Variants in FRYL observed in about 807,000 individuals in gnomAD.
The protein encoded by FRYL is FRY like transcription coactivator.
FRYL carries 150 observed loss-of-function variants against 351.2 expected under a neutral mutation model. The observed-to-expected ratio is 0.43, with a 90% CI of 0.37 to 0.49. The LOEUF (loss-of-function observed/expected upper bound fraction) is 0.49, where lower values mean the gene tolerates loss of function less well. Among genes scored for constraint, FRYL ranks in the 20% least tolerant of loss-of-function variants. The probability of loss-of-function intolerance (pLI) is 0.00; values close to 1 mark genes in which losing one functional copy is unlikely to be tolerated. For missense variants in FRYL, 3,036 were observed against 3,619.3 expected (o/e 0.84, Z 4.13); for synonymous variants, 1,153 against 1,257.1 (o/e 0.92, Z 1.75).
At chr4:48,502,955 G>A in intron 60 of FRYL, 110 bp from the exon 61 acceptor site, 1 of 785,610 alleles carries the variant, frequency 1.3e-6, no homozygotes, top group East Asian at 2.7e-5. Context: ...GTAAACTGAA[G>A]AACATATATT....
intron 3 of FRYL, among the ~76,000 whole-genome samples, chr4:48,675,057 T>TC (rs1763356310): frequency 2.0e-5 from 3 of 152,216 alleles, no homozygotes; most frequent in African/African-American, 7.2e-5. Flanking sequence ...TTTTCTTTTT[T>TC]GTTTTTTTGA....
chr4:48,562,248 A>G (rs777397438), intron 32 of FRYL, among the ~76,000 whole-genome samples: 1 of 152,050 alleles, frequency 6.6e-6, no homozygotes, highest in African/African-American at 2.4e-5. Flanking sequence ...TCGACATTAC[A>G]CTATTTAAAG....
At chr4:48,605,007 A>T (rs766079178) in intron 11 of FRYL, among the ~76,000 whole-genome samples, 9 of 152,200 alleles carry the variant, frequency 5.9e-5, no homozygotes, top group Non-Finnish European at 1.3e-4. Flanking sequence ...CAGGAAAAGA[A>T]ATCAAAGTGC....
At position 48,610,733 on chromosome 4, in the gene FRYL, CATGTATTATATAT is replaced by C. The variant is rs1261790058; in HGVS notation, c.412-923_412-911del. 1.4e-3 allele frequency among the ~76,000 whole-genome samples: 204 copies of C among 142,160 alleles called. 1 individual carries two copies. The highest frequency in any genetic ancestry group is 4.7e-3 in the African/African-American group (183 of 38,730). The allele number at this position is 142,160 out of a possible 152,430, so 93.3% of individuals were successfully genotyped here. The stretch of plus-strand genomic sequence containing the variant: ...ATATATTATATACATATATTATATA[CATGTATTATATAT>C]TGTATATATACATATATTATATATA... On this transcript the variant is annotated intron_variant, in intron 7 of 63. Coordinates refer to ENST00000358350, the MANE Select transcript of FRYL (RefSeq NM_015030.2).
chr4:48,561,209 G>A (rs1002109191), intron 33 of FRYL, among the ~76,000 whole-genome samples: 3 of 152,094 alleles, frequency 2.0e-5, no homozygotes, highest in African/African-American at 4.8e-5. Context: ...CGTCCCTCTT[G>A]TATTTTTTTC....
At chr4:48,776,731 G>C (rs898074845) in intron 1 of FRYL, among the ~76,000 whole-genome samples, 5 of 152,144 alleles carry the variant, frequency 3.3e-5, no homozygotes, top group Non-Finnish European at 5.9e-5. Context: ...AACAATAGTT[G>C]AAATTCAGAG....
intron 3 of FRYL, among the ~76,000 whole-genome samples, chr4:48,641,320 A>G (rs1231095669): frequency 1.3e-5 from 2 of 152,290 alleles, no homozygotes; most frequent in East Asian, 3.9e-4. Context: ...CCTCCATGTT[A>G]GTGAAAAGCA....
chr4:48,711,112 G>A (rs146961324), intron 1 of FRYL, among the ~76,000 whole-genome samples: 23 of 152,280 alleles, frequency 1.5e-4, no homozygotes, highest in Non-Finnish European at 2.6e-4. Flanking sequence ...GAACAGCTCC[G>A]GTCTACAGCT....
chr4:48,714,456 C>T (rs1451183408), intron 1 of FRYL, among the ~76,000 whole-genome samples: 1 of 147,460 alleles, frequency 6.8e-6, no homozygotes, highest in Admixed American at 6.8e-5. Context: ...ACCGATCCCA[C>T]AGAAATACAA....
chr4:48,686,859 C>T (rs923039967), intron 2 of FRYL, among the ~76,000 whole-genome samples: 1 of 152,198 alleles, frequency 6.6e-6, no homozygotes, highest in African/African-American at 2.4e-5. Context: ...AATATTTGTC[C>T]AGAGTTTGCA....
chr4:48,581,623 A>T lies in FRYL; in HGVS notation c.1987-18T>A. On this transcript the variant is annotated intron_variant, in intron 20 of 63. Transcript: ENST00000358350. ...ACACCATGCTTGAAAAACAGAAGTT[A>T]AAAACAAAATATAAAAATATATGCA... The T allele has an allele frequency of 6.4e-7, 1 of 1,570,320 alleles. No individual in the cohort carries two copies. Among genetic ancestry groups the T allele is most frequent in the Non-Finnish European group, 8.6e-7 (1 of 1,162,208 alleles).
chr4:48,656,317 C>CATAATATATACTAAATATATTAT (rs1448536720), intron 3 of FRYL, among the ~76,000 whole-genome samples: 24,305 of 53,680 alleles, frequency 0.45, 9,676 homozygotes, highest in Middle Eastern at 0.72. Context: ...TTATATATTA[C>CATAATATATACTAAATATATTAT]ATAATATATA....
chr4:48,702,842 C>T (rs1284968735), intron 2 of FRYL, among the ~76,000 whole-genome samples: 1 of 151,486 alleles, frequency 6.6e-6, no homozygotes, highest in Non-Finnish European at 1.5e-5. Flanking sequence ...GAATATTTCT[C>T]AACATAAACT....
chr4:48,575,359 A>G (rs1332400650), intron 24 of FRYL, 118 bp from the exon 25 acceptor site: 5 of 1,052,408 alleles, frequency 4.8e-6, no homozygotes, highest in Non-Finnish European at 6.9e-6. Context: ...TTTACTATGA[A>G]TGATACCTCA....
intron 1 of FRYL, among the ~76,000 whole-genome samples, chr4:48,728,702 C>T (rs150783843): frequency 2.0e-5 from 3 of 152,302 alleles, no homozygotes; most frequent in Non-Finnish European, 2.9e-5. Context: ...ATAAGATTTA[C>T]ATCCCCAGAA....
At chr4:48,556,538 A>C (rs974371783) in intron 35 of FRYL, among the ~76,000 whole-genome samples, 1 of 152,230 alleles carries the variant, frequency 6.6e-6, no homozygotes, top group Non-Finnish European at 1.5e-5. Flanking sequence ...TCTGCCTAGC[A>C]GAAACTAGAA....
At chr4:48,755,497 T>C (rs1192214797) in intron 1 of FRYL, among the ~76,000 whole-genome samples, 1 of 152,200 alleles carries the variant, frequency 6.6e-6, no homozygotes, top group Non-Finnish European at 1.5e-5. Flanking sequence ...TGTATGGTCA[T>C]CCAGCCAACA....
In FRYL at chr4:48,502,973, C is replaced by T. The variant is rs188238333; in HGVS notation, c.8464-128G>A. On this transcript the variant is annotated intron_variant, in intron 60 of 63. Coordinates refer to ENST00000358350, the MANE Select transcript of FRYL (RefSeq NM_015030.2). ...AACTGAAGAACATATATTTATACCC[C>T]AAAGAAAATTATACAAAGTTATTTC... 5.4e-3 allele frequency: 3,341 copies of T among 619,520 alleles called. 18 individuals carry two copies. The highest frequency in any genetic ancestry group is 0.014 in the Middle Eastern group (34 of 2,396). 38.4% of individuals were successfully genotyped at this position (619,520 alleles called of 1,614,324 possible).
intron 50 of FRYL, 70 bp downstream of exon 50, chr4:48,531,086 T>C (rs1560546464): frequency 9.6e-7 from 1 of 1,040,396 alleles, no homozygotes; most frequent in Non-Finnish European, 1.5e-6. Context: ...GTTTGTTAAA[T>C]CAAAGAATGA....
Sources: allele counts gnomAD v4.1 joint callset (sites outside exome capture counted in the v4.1 genomes callset), GRCh38; gene constraint gnomAD v4.1.1; transcripts MANE v1.5; gene names NCBI Gene and HGNC (gene_info 2026-07-23, HGNC 2026-07-21).